MUC21: variants seen among roughly 807,000 people sequenced by gnomAD.
The protein encoded by MUC21 is mucin-21.
A neutral mutation model predicts 9.1 loss-of-function variants in MUC21; 8 were observed. The observed-to-expected ratio is 0.88, with a 90% CI of 0.52 to 1.59. The LOEUF is 1.59. Among genes scored for constraint, MUC21 ranks in the 40% most tolerant of loss-of-function variants. The pLI, the probability that MUC21 is intolerant of heterozygous loss-of-function variation, is 0.00. For synonymous variants in MUC21, 189 were observed against 275.2 expected, an observed-to-expected ratio of 0.69 and a Z score of 3.10; for missense variants, 478 against 694.2, an observed-to-expected ratio of 0.69 and a Z score of 3.50.
intron 2 of MUC21, 70 bp downstream of exon 2, chr6:30,987,751 T>C: frequency 6.4e-7 from 1 of 1,566,474 alleles, no homozygotes; most frequent in Non-Finnish European, 8.6e-7. Flanking sequence ...TGGGTGTGAA[T>C]AGAAGGGGTC....
In MUC21 at chr6:30,986,503, T is replaced by C. The variant is rs755112487; in HGVS notation, c.328T>C (p.Ser110Pro). The C allele has an allele frequency of 6.3e-7, 1 of 1,578,988 alleles. No individual in the cohort carries two copies. ...SGISIATNSE[S>P]STTSSGASTA... ...GATCAGCATAGCCACCAACTCTGAG[T>C]CCAGCACAACCTCCAGTGGGGCCAG... Residue 110 changes from serine to proline, a missense_variant, in exon 2 of 3, where the codon TCC becomes CCC. Ser to Pro is a moderately conservative substitution (Grantham distance 74, BLOSUM62 -1). Transcript: ENST00000376296.
intron 2 of MUC21, 98 bp from the exon 3 acceptor site, chr6:30,987,902 G>C: frequency 9.4e-7 from 1 of 1,067,344 alleles, no homozygotes; most frequent in African/African-American, 1.6e-5. Context: ...TAGGTAAAGA[G>C]TGTGGTTGGA....
intron 1 of MUC21, among the ~76,000 whole-genome samples, chr6:30,984,780 G>C (rs1401394292): frequency 6.6e-6 from 1 of 151,706 alleles, no homozygotes; most frequent in Non-Finnish European, 1.5e-5. Context: ...TTTCAGACCA[G>C]CCTGGCCAAC....
chr6:30,987,312 G>C lies in MUC21; in HGVS notation c.1137G>C (p.Glu379Asp), dbSNP rs79399059. ...GGACCAGCACAGCCACCAACTCTGAGTCCAGCACAGTGTCCAGTGGGGCCA... is the reference window on the plus strand; with the variant it reads ...GGACCAGCACAGCCACCAACTCTGACTCCAGCACAGTGTCCAGTGGGGCCA... ...SSGTSTATNSESSTVSSGAST... is the reference protein window; with the variant it reads ...SSGTSTATNSDSSTVSSGAST... Residue 379 changes from glutamate to aspartate, a missense_variant, in exon 2 of 3, where the codon GAG becomes GAC. This residue lies in a region of MUC21 where 155 missense variants were observed against 235.2 expected (regional missense o/e 0.66). Coordinates refer to ENST00000376296, the MANE Select transcript of MUC21 (RefSeq NM_001010909.5). The C allele has an allele frequency of 9.2e-5, 143 of 1,547,226 alleles. 64 individuals carry two copies. Among genetic ancestry groups the C allele is most frequent in the East Asian group, 2.8e-4 (12 of 42,134 alleles).
At position 30,987,402 on chromosome 6, in the gene MUC21, G is replaced by A; in HGVS notation, c.1227G>A (p.Glu409=). Residue 409 remains glutamate (E), a synonymous_variant, in exon 2 of 3, where the codon GAG becomes GAA. Coordinates refer to ENST00000376296, the MANE Select transcript of MUC21 (RefSeq NM_001010909.5). The part of the protein sequence containing the change: ...SSGASTATNS[E]SSTVSSGAST... ...GGGCCAGCACAGCCACCAACTCTGA[G>A]TCCAGCACAGTGTCCAGTGGGGCCA... 2.9e-6 allele frequency: 4 copies of A among 1,382,466 alleles called. No individual in the cohort carries two copies. The highest frequency in any genetic ancestry group is 4.0e-6 in the Non-Finnish European group (4 of 993,758). 85.6% of individuals were successfully genotyped at this position (1,382,466 alleles called of 1,614,324 possible). A position where few individuals can be genotyped will look rare whatever the true frequency, so the allele number is the denominator to read the frequency against.
chr6:30,985,216 C>T (rs1762199352), intron 1 of MUC21, among the ~76,000 whole-genome samples: 1 of 152,020 alleles, frequency 6.6e-6, no homozygotes, highest in East Asian at 1.9e-4. Flanking sequence ...AAAAGCCTTC[C>T]CTCTACCTTT....
Position 30,988,222 on chromosome 6 carries a change from T to G in MUC21, c.*28T>G. ...AGCCCCGGAAGCAAGTGCCGCATTC[T>G]TCAGGAAGGAAGAGACCTGGGCACC... On this transcript the variant is annotated 3_prime_UTR_variant, in exon 3 of 3. Transcript: ENST00000376296. 2 of 1,591,980 alleles carry G rather than the reference T, an allele frequency of 1.3e-6. No homozygotes were observed. Among genetic ancestry groups the G allele is most frequent in the African/African-American group, 1.4e-5 (1 of 74,008 alleles).
At chr6:30,984,152 G>A in intron 1 of MUC21, 133 bp downstream of exon 1, 1 of 632,460 alleles carries the variant, frequency 1.6e-6, no homozygotes, top group Non-Finnish European at 2.9e-6. Flanking sequence ...AATCACTTCA[G>A]CCTAACAAGG....
chr6:30,988,476 G>T lies in MUC21; in HGVS notation c.*282G>T, dbSNP rs1273857646. On this transcript the variant is annotated 3_prime_UTR_variant, in exon 3 of 3. Coordinates refer to ENST00000376296, the MANE Select transcript of MUC21 (RefSeq NM_001010909.5). ...GGTATCTAGCTCTGAGATGAACTCAGTTATAGGAGAAAACCTCCATGCTGG... is the reference window on the plus strand; with the variant it reads ...GGTATCTAGCTCTGAGATGAACTCATTTATAGGAGAAAACCTCCATGCTGG... 1 of 393,310 alleles carries T rather than the reference G, an allele frequency of 2.5e-6. No individual in the cohort carries two copies. Among genetic ancestry groups the T allele is most frequent in the East Asian group, 4.2e-5 (1 of 23,862 alleles). 24.4% of individuals were successfully genotyped at this position (393,310 alleles called of 1,614,324 possible).
At chr6:30,984,745 C>G (rs942902490) in intron 1 of MUC21, among the ~76,000 whole-genome samples, 1 of 151,826 alleles carries the variant, frequency 6.6e-6, no homozygotes, top group Non-Finnish European at 1.5e-5. Context: ...GAGGCCAAGG[C>G]GGGTGGATGT....
chr6:30,983,906 G>T lies in MUC21; in HGVS notation c.-53G>T. The T allele has an allele frequency of 1.3e-6, 1 of 769,562 alleles. No individual in the cohort carries two copies. Among genetic ancestry groups the T allele is most frequent in the Non-Finnish European group, 2.4e-6 (1 of 413,836 alleles). The allele number at this position is 769,562 out of a possible 1,614,324, so 47.7% of individuals were successfully genotyped here. A position where few individuals can be genotyped will look rare whatever the true frequency, so the allele number is the denominator to read the frequency against. ...AATCCTCTGTTCTTTGCCCTCTAAA[G>T]TCTTGGTACATCTAGGACCCAGGCA... On this transcript the variant is annotated 5_prime_UTR_variant, in exon 1 of 3. Coordinates refer to ENST00000376296, the MANE Select transcript of MUC21 (RefSeq NM_001010909.5).
chr6:30,986,394 C>T lies in MUC21; in HGVS notation c.219C>T (p.Ser73=), dbSNP rs751991229. The T allele has an allele frequency of 1.1e-5, 18 of 1,612,620 alleles. 1 individual carries two copies. The South Asian group carries it at 2.0e-4, about 18-fold the overall frequency. Residue 73 remains serine (S), a synonymous_variant, in exon 2 of 3, where the codon AGC becomes AGT. Coordinates refer to ENST00000376296, the MANE Select transcript of MUC21 (RefSeq NM_001010909.5). ...SGSSVTSNGV[S]IVTNSEFHTT... ...CCAGCGTGACCTCCAATGGGGTCAG[C>T]ATAGTCACCAACTCTGAGTTCCATA...
In MUC21 at chr6:30,988,529, A is replaced by G; in HGVS notation, c.*335A>G. 2 of 273,044 alleles carry G rather than the reference A, an allele frequency of 7.3e-6. No individual in the cohort carries two copies. Among genetic ancestry groups the G allele is most frequent in the Non-Finnish European group, 1.3e-5 (2 of 148,422 alleles). 16.9% of individuals were successfully genotyped at this position (273,044 alleles called of 1,614,324 possible). A position where few individuals can be genotyped will look rare whatever the true frequency, so the allele number is the denominator to read the frequency against. On this transcript the variant is annotated 3_prime_UTR_variant, in exon 3 of 3. Coordinates refer to ENST00000376296, the MANE Select transcript of MUC21 (RefSeq NM_001010909.5). Reference sequence around the variant, plus strand: ...TCCATCTGGCATTCAAAATCTCCACAGTAAAATCCAAAGACCTCATTCTTA... The same window carrying G: ...TCCATCTGGCATTCAAAATCTCCACGGTAAAATCCAAAGACCTCATTCTTA...
In MUC21 at chr6:30,986,500, G is replaced by A; in HGVS notation, c.325G>A (p.Glu109Lys). The A allele has an allele frequency of 6.3e-7, 1 of 1,579,708 alleles. No homozygotes were observed. ...TGGGATCAGCATAGCCACCAACTCT[G>A]AGTCCAGCACAACCTCCAGTGGGGC... ...SSGISIATNS[E>K]SSTTSSGAST... is the part of the protein sequence containing the mutation. The change falls in exon 2 of 3, where the codon GAG becomes AAG. Residue 109 changes from glutamate (E) to lysine (K), a missense_variant. Glu to Lys is a moderately conservative substitution (Grantham distance 56). Transcript: ENST00000376296.
rs1192278687 is a variant in MUC21 at position 30,986,322 on chromosome 6, G to A, written c.147G>A (p.Gly49=). The change falls in exon 2 of 3, where the codon GGG becomes GGA. Residue 49 remains glycine, a synonymous_variant. Coordinates refer to ENST00000376296, the MANE Select transcript of MUC21 (RefSeq NM_001010909.5). ...SSGASTATNS[G]SSVTSSGVST... is the part of the protein sequence containing the mutation. ...GAGCCAGCACAGCCACCAACTCTGG[G>A]TCCAGTGTGACCTCCAGTGGGGTCA... 1 of 1,612,778 alleles carries A rather than the reference G, an allele frequency of 6.2e-7. No homozygotes were observed. The highest frequency in any genetic ancestry group is 1.1e-5 in the South Asian group (1 of 90,980).
rs1762292929 is a variant in MUC21, at chr6:30,986,638, T to G, written c.463T>G (p.Ser155Ala). 5.8e-6 allele frequency: 9 copies of G among 1,543,854 alleles called. No homozygotes were observed. Among genetic ancestry groups the G allele is most frequent in the Non-Finnish European group, 7.0e-6 (8 of 1,142,158 alleles). The change falls in exon 2 of 3, where the codon TCC becomes GCC. Residue 155 changes from serine (S) to alanine (A), a missense_variant. Physicochemically the swap from Ser to Ala is moderately conservative, Grantham distance 99 (BLOSUM62 1). Coordinates refer to ENST00000376296, the MANE Select transcript of MUC21 (RefSeq NM_001010909.5). ...GGCTAGCACAGCCACCAACTCTGAC[T>G]CCAGCACAACCTCCAGTGAGGCCAG... ...SGASTATNSD[S>A]STTSSEASTA... is the part of the protein sequence containing the mutation.
chr6:30,989,876 A>G lies in MUC21; in HGVS notation c.*1682A>G, dbSNP rs528837678. 6.6e-6 allele frequency: 1 copy of G among 152,064 alleles called. No individual in the cohort carries two copies. Among genetic ancestry groups the G allele is most frequent in the South Asian group, 2.1e-4 (1 of 4,820 alleles). The allele number at this position is 152,064 out of a possible 1,614,324, so 9.4% of individuals were successfully genotyped here. ...CTCAGACATCACTTCTCTTTGGAAG[A>G]CTCCATTAAATATTTCTCTGTGAGA... On this transcript the variant is annotated 3_prime_UTR_variant, in exon 3 of 3. Transcript: ENST00000376296.
chr6:30,986,102 A>G, intron 1 of MUC21, 135 bp from the exon 2 acceptor site: 2 of 838,820 alleles, frequency 2.4e-6, no homozygotes, highest in Non-Finnish European at 1.8e-6. Context: ...TCTTCATCTC[A>G]GCTGGTGATA....
intron 1 of MUC21, 164 bp downstream of exon 1, chr6:30,984,183 C>A: frequency 1.8e-6 from 1 of 570,048 alleles, no homozygotes; most frequent in Non-Finnish European, 3.1e-6. Context: ...AGGAAGCAGT[C>A]AGACACAGTG....
Sources: allele counts gnomAD v4.1 joint callset (sites outside exome capture counted in the v4.1 genomes callset), GRCh38; gene constraint gnomAD v4.1.1; regional missense constraint gnomAD v4.1.1; transcripts MANE v1.5; gene names NCBI Gene and HGNC (gene_info 2026-07-23, HGNC 2026-07-21).